The following SPEG variants were observed in gnomAD, a reference collection of about 807,000 sequenced individuals.
The protein encoded by SPEG is striated muscle preferentially expressed protein kinase.
SPEG carries 114 observed loss-of-function variants against 300.4 expected under a neutral mutation model. That is an observed-to-expected ratio of 0.38 (90% CI 0.33 to 0.44). The LOEUF (loss-of-function observed/expected upper bound fraction) is 0.44. Among genes scored for constraint, SPEG ranks in the 20% least tolerant of loss-of-function variants. SPEG has a pLI of 1.00. For synonymous variants in SPEG, 1,964 were observed against 2,018.9 expected (o/e 0.97, Z 0.73); for missense variants, 4,201 against 4,586.2 (o/e 0.92, Z 2.43).
intron 1 of SPEG, among the ~76,000 whole-genome samples, chr2:219,436,448 G>T (rs1474387634): frequency 6.6e-6 from 1 of 152,266 alleles, no homozygotes; most frequent in African/African-American, 2.4e-5. Context: ...AGCTGGGAGA[G>T]ATGGCAAGGA....
Position 219,484,489 on chromosome 2 carries a change from G to T in SPEG, c.7026G>T (p.Glu2342Asp), listed in dbSNP as rs761011797. Reference sequence around the variant, plus strand: ...AGGCCAAGTTCAAGCGCAGCCGCGAGTCGCCCCTGTCGCTGGGGCTGCGGC... The same window carrying T: ...AGGCCAAGTTCAAGCGCAGCCGCGATTCGCCCCTGTCGCTGGGGCTGCGGC... ...VFEAKFKRSR[E>D]SPLSLGLRLL... Residue 2342 changes from glutamate (E) to aspartate (D), a missense_variant, in exon 30 of 41, where the codon GAG (glutamate) becomes GAT (aspartate). This residue lies in a region of SPEG where 1,578 missense variants were observed against 1,506.0 expected (regional missense o/e 1.05). Coordinates refer to ENST00000312358, the MANE Select transcript of SPEG (RefSeq NM_005876.5). 1.3e-5 allele frequency: 21 copies of T among 1,607,554 alleles called. No individual in the cohort carries two copies. The Admixed American group carries it at 3.5e-4, about 27-fold the overall frequency.
chr2:219,443,781 G>C lies in SPEG; in HGVS notation c.389-872G>C. 1.1e-5 allele frequency: 4 copies of C among 363,888 alleles called. No individual in the cohort carries two copies. The highest frequency in any genetic ancestry group is 8.1e-5 in the South Asian group (4 of 49,214). The allele number at this position is 363,888 out of a possible 1,614,324, so 22.5% of individuals were successfully genotyped here. A position where few individuals can be genotyped will look rare whatever the true frequency, so the allele number is the denominator to read the frequency against. ...GTGTGTGCATGTGTGTGTGTGGCCA[G>C]TGGCAGCACCAGTAAGTGCCAAGGA... On this transcript the variant is annotated intron_variant, in intron 1 of 40. Transcript: ENST00000312358. This position sits in a 1 kb window ranked among gnomAD's most constrained non-coding sequence, Gnocchi z 4.6.
chr2:219,444,117 G>C lies in SPEG; in HGVS notation c.389-536G>C, dbSNP rs986657518. On this transcript the variant is annotated intron_variant, in intron 1 of 40. Transcript: ENST00000312358. This position sits in a 1 kb window ranked among gnomAD's most constrained non-coding sequence, Gnocchi z 7.8. The stretch of plus-strand genomic sequence containing the variant: ...ATCCCCCCCTTTCCCACCCGGCCCC[G>C]GCCTCTCCTCACCCTGCCTCAGCTG... 30 of 1,241,190 alleles carry C rather than the reference G, an allele frequency of 2.4e-5. No individual in the cohort carries two copies. In the South Asian group the frequency reaches 3.3e-4, roughly 14 times the overall value. 76.9% of individuals were successfully genotyped at this position (1,241,190 alleles called of 1,614,324 possible).
At position 219,449,127 on chromosome 2, in the gene SPEG, T is replaced by G; in HGVS notation, c.1969T>G (p.Leu657Val). The G allele has an allele frequency of 6.9e-7, 1 of 1,454,076 alleles. No homozygotes were observed. Among genetic ancestry groups the G allele is most frequent in the Non-Finnish European group, 9.0e-7 (1 of 1,105,356 alleles). 90.1% of individuals were successfully genotyped at this position (1,454,076 alleles called of 1,614,324 possible). ...GLEGAAVPQT[L>V]EKNRAGPEAE... ...GGAGGGCGCTGCTGTACCCCAGACC[T>G]TGGAGAAGAACAGGGCGGGGCCTGA... is the stretch of plus-strand genomic sequence containing the variant. The change falls in exon 4 of 41, where the codon TTG becomes GTG. Residue 657 changes from leucine to valine, a missense_variant. Physicochemically the swap from Leu to Val is conservative, Grantham distance 32. Around this residue, in one of 4 missense-constraint regions of SPEG, gnomAD observed 1,258 missense variants for 1,293.9 expected, o/e 0.97. Coordinates refer to ENST00000312358, the MANE Select transcript of SPEG (RefSeq NM_005876.5).
Position 219,490,520 on chromosome 2 carries a change from C to T in SPEG, c.9033C>T (p.Tyr3011=), listed in dbSNP as rs371546535. The T allele has an allele frequency of 6.0e-4, 965 of 1,612,600 alleles. 3 individuals are homozygous for T. The highest frequency in any genetic ancestry group is 7.5e-4 in the Non-Finnish European group (885 of 1,180,006). The part of the protein sequence containing the change: ...AEGKRRVLQE[Y]EVLRTLHHER... The stretch of plus-strand genomic sequence containing the variant: ...GCAAGCGGCGGGTCCTGCAGGAGTA[C>T]GAGGTGCTGCGGACCCTGCACCACG... Residue 3011 remains tyrosine (Y), a synonymous_variant, in exon 37 of 41, where the codon TAC becomes TAT. Coordinates refer to ENST00000312358, the MANE Select transcript of SPEG (RefSeq NM_005876.5).
At position 219,444,883 on chromosome 2, in the gene SPEG, C is replaced by T. The variant is rs1347845765; in HGVS notation, c.537C>T (p.Gly179=). The T allele has an allele frequency of 6.4e-7, 1 of 1,568,714 alleles. No individual in the cohort carries two copies. Among genetic ancestry groups the T allele is most frequent in the Non-Finnish European group, 8.6e-7 (1 of 1,157,044 alleles). The part of the protein sequence containing the change: ...SLDTPPTSVT[G]TSEEQVSWWG... The stretch of plus-strand genomic sequence containing the variant: ...ACACACCCCCGACCTCCGTGACAGG[C>T]ACCTCAGAGGAGCAAGTGAGCTGGT... The change falls in exon 3 of 41, where the codon GGC becomes GGT. Residue 179 remains glycine (G), a synonymous_variant. Transcript: ENST00000312358. The surrounding 1 kb of genome is among the most constrained non-coding windows in gnomAD (Gnocchi z 7.8).
intron 1 of SPEG, among the ~76,000 whole-genome samples, chr2:219,436,998 A>C (rs944364134): frequency 7.2e-5 from 11 of 152,114 alleles, no homozygotes; most frequent in African/African-American, 2.7e-4. Context: ...AATATAAGTT[A>C]AGGTTGGAAA....
rs1474057586 is a variant in SPEG at position 219,489,889 on chromosome 2, T to C, written c.8871T>C (p.Leu2957=). Residue 2957 remains leucine (L), a synonymous_variant, in exon 36 of 41, where the codon CTT becomes CTC. Transcript: ENST00000312358. The part of the protein sequence containing the change: ...RSSPRPEGTT[L]RQGPPQKPYT... ...CTCCCAGGCCTGAGGGTACCACTCT[T>C]CGACAGGGTCCCCCTCAGAAACCCT... 5 of 1,599,346 alleles carry C rather than the reference T, an allele frequency of 3.1e-6. No individual in the cohort carries two copies. Among genetic ancestry groups the C allele is most frequent in the Non-Finnish European group, 4.3e-6 (5 of 1,169,780 alleles).
chr2:219,484,197 A>G lies in SPEG; in HGVS notation c.6734A>G (p.Tyr2245Cys), dbSNP rs200650051. The G allele has an allele frequency of 4.8e-5, 78 of 1,611,204 alleles. No homozygotes were observed. Among genetic ancestry groups the G allele is most frequent in the Non-Finnish European group, 6.4e-5 (75 of 1,179,450 alleles). The change falls in exon 30 of 41, where the codon TAT becomes TGT. Residue 2245 changes from tyrosine (Y) to cysteine (C), a missense_variant. Around this residue, in one of 4 missense-constraint regions of SPEG, gnomAD observed 1,578 missense variants for 1,506.0 expected, o/e 1.05. Transcript: ENST00000312358. Reference protein sequence around the residue: ...LQTLALPLTPYAQIIQSLQLS... With the variant: ...LQTLALPLTPCAQIIQSLQLS... Reference sequence around the variant, plus strand: ...ACCCTAGCGCTGCCCCTCACACCCTATGCTCAGATCATTCAGTCCCTCCAG... The same window carrying G: ...ACCCTAGCGCTGCCCCTCACACCCTGTGCTCAGATCATTCAGTCCCTCCAG...
At chr2:219,469,115 G>A (rs1691645034) in intron 12 of SPEG, 41 bp from the exon 13 acceptor site, 2 of 1,610,148 alleles carry the variant, frequency 1.2e-6, no homozygotes, top group Non-Finnish European at 1.7e-6. Flanking sequence ...TGGGGTGGGA[G>A]GCACGGCCCT....
At chr2:219,435,501 C>T in intron 1 of SPEG, 136 bp downstream of exon 1, 1 of 1,023,402 alleles carries the variant, frequency 9.8e-7, no homozygotes, top group African/African-American at 1.7e-5. Context: ...TTCTCGGCTG[C>T]CCGGCCCCAG....
In SPEG at chr2:219,443,938, T is replaced by A. The variant is rs942712729; in HGVS notation, c.389-715T>A. ...CTGGGGACTGGGTGCCTCACGCCCC[T>A]TCTGTCTTGACTGCCCTCCATGCCC... On this transcript the variant is annotated intron_variant, in intron 1 of 40. Coordinates refer to ENST00000312358, the MANE Select transcript of SPEG (RefSeq NM_005876.5). This position sits in a 1 kb window ranked among gnomAD's most constrained non-coding sequence, Gnocchi z 4.6. 2.4e-4 allele frequency: 267 copies of A among 1,134,192 alleles called. 1 individual carries two copies. The South Asian group carries it at 3.2e-3, about 13-fold the overall frequency. 70.3% of individuals were successfully genotyped at this position (1,134,192 alleles called of 1,614,324 possible).
At chr2:219,491,516 G>A (rs1037133936) in intron 38 of SPEG, among the ~76,000 whole-genome samples, 1 of 152,310 alleles carries the variant, frequency 6.6e-6, no homozygotes, top group Non-Finnish European at 1.5e-5. Flanking sequence ...CCTTGGAGCC[G>A]ATCCAAGGGA....
Position 219,483,883 on chromosome 2 carries a change from C to T in SPEG, c.6420C>T (p.Gly2140=), listed in dbSNP as rs772546147. Residue 2140 remains glycine, a synonymous_variant, in exon 30 of 41, where the codon GGC becomes GGT. Coordinates refer to ENST00000312358, the MANE Select transcript of SPEG (RefSeq NM_005876.5). ...CCCAGGGTGAGGCGGAGCCCCGGGGCCGGCACCGCCGAGCGGGGGCGCCCC... is the reference window on the plus strand; with the variant it reads ...CCCAGGGTGAGGCGGAGCCCCGGGGTCGGCACCGCCGAGCGGGGGCGCCCC... ...SFSQGEAEPR[G]RHRRAGAPLE... is the part of the protein sequence containing the mutation. 2.5e-6 allele frequency: 4 copies of T among 1,598,322 alleles called. No homozygotes were observed. Among genetic ancestry groups the T allele is most frequent in the Non-Finnish European group, 3.4e-6 (4 of 1,177,682 alleles).
At position 219,490,827 on chromosome 2, in the gene SPEG, A is replaced by G. The variant is rs756235150; in HGVS notation, c.9256A>G (p.Ile3086Val). 5.0e-6 allele frequency: 8 copies of G among 1,614,064 alleles called. No homozygotes were observed. Among genetic ancestry groups the G allele is most frequent in the South Asian group, 1.1e-5 (1 of 91,092 alleles). Reference sequence around the variant, plus strand: ...CGGCCACCACGTGCTCCACCTAGACATCAAGCCAGACAACCTGCTGCTGGC... The same window carrying G: ...CGGCCACCACGTGCTCCACCTAGACGTCAAGCCAGACAACCTGCTGCTGGC... ...LHGHHVLHLD[I>V]KPDNLLLAPD... The change falls in exon 38 of 41, where the codon ATC becomes GTC. Residue 3086 changes from isoleucine (I) to valine (V), a missense_variant. This residue lies in a region of SPEG where 318 missense variants were observed against 429.5 expected (regional missense o/e 0.74). Transcript: ENST00000312358.
At chr2:219,472,055 G>A in intron 14 of SPEG, 68 bp downstream of exon 14, 1 of 1,588,154 alleles carries the variant, frequency 6.3e-7, no homozygotes, top group Admixed American at 1.7e-5. Context: ...GGGGGCTCAG[G>A]GAAAGGGGCC....
Position 219,490,859 on chromosome 2 carries a change from C to A in SPEG, c.9288C>A (p.Asp3096Glu), listed in dbSNP as rs1387977672. The A allele has an allele frequency of 2.5e-6, 4 of 1,613,922 alleles. No homozygotes were observed. Among genetic ancestry groups the A allele is most frequent in the African/African-American group, 1.3e-5 (1 of 74,918 alleles). The change falls in exon 38 of 41, where the codon GAC becomes GAA. Residue 3096 changes from aspartate to glutamate, a missense_variant. By Grantham distance (45) the Asp-to-Glu change is conservative. Coordinates refer to ENST00000312358, the MANE Select transcript of SPEG (RefSeq NM_005876.5). ...CAGACAACCTGCTGCTGGCCCCTGA[C>A]AATGCCCTCAAGATTGTGGACTTTG... The part of the protein sequence containing the change: ...IKPDNLLLAP[D>E]NALKIVDFGS...
intron 13 of SPEG, 88 bp from the exon 14 acceptor site, chr2:219,471,780 G>T: frequency 6.5e-7 from 1 of 1,536,154 alleles, no homozygotes. Flanking sequence ...GTGGATGGGG[G>T]TGAGGGACCA....
Position 219,464,570 on chromosome 2 carries a change from A to G in SPEG, c.2843A>G (p.Tyr948Cys). The G allele has an allele frequency of 6.2e-7, 1 of 1,614,242 alleles. No homozygotes were observed. Among genetic ancestry groups the G allele is most frequent in the Non-Finnish European group, 8.5e-7 (1 of 1,180,036 alleles). Reference protein sequence around the residue: ...GFYTCKAVNEYGARQCEARLE... With the variant: ...GFYTCKAVNECGARQCEARLE... ...TACACTTGCAAAGCGGTCAATGAGTATGGTGCTCGGCAGTGCGAGGCCCGC... is the reference window on the plus strand; with the variant it reads ...TACACTTGCAAAGCGGTCAATGAGTGTGGTGCTCGGCAGTGCGAGGCCCGC... The change falls in exon 9 of 41, where the codon TAT (tyrosine) becomes TGT (cysteine). Residue 948 changes from tyrosine to cysteine, a missense_variant. Physicochemically the swap from Tyr to Cys is radical, Grantham distance 194 (BLOSUM62 -2). This residue lies in a region of SPEG where 1,047 missense variants were observed against 1,356.8 expected (regional missense o/e 0.77). Transcript: ENST00000312358. This position sits in a 1 kb window ranked among gnomAD's most constrained non-coding sequence, Gnocchi z 4.5.
Sources: gnomAD v4.1 joint callset for allele counts (sites outside exome capture counted in the v4.1 genomes callset) on GRCh38, gnomAD v4.1.1 for gene constraint, gnomAD v4.1.1 regional missense constraint, Gnocchi (gnomAD v3.1) non-coding constraint, MANE v1.5 for transcripts, NCBI Gene and HGNC (gene_info 2026-07-23, HGNC 2026-07-21) for gene names.